Variants in UNC80 observed in about 807,000 individuals in gnomAD.
UNC80 encodes unc-80 subunit of NALCN channel complex.
A neutral mutation model predicts 384.6 loss-of-function variants in UNC80; 164 were observed. That is an observed-to-expected ratio of 0.43 (90% confidence interval 0.38 to 0.49). The LOEUF (loss-of-function observed/expected upper bound fraction) is 0.49, where lower values mean the gene tolerates loss of function less well. UNC80 is among the 20% of genes least tolerant of loss of function. The pLI, the probability that UNC80 is intolerant of heterozygous loss-of-function variation, is 0.00. For missense variants in UNC80, 3,330 were observed against 4,143.0 expected (o/e 0.80, Z 5.39); for synonymous variants, 1,486 against 1,527.8 (o/e 0.97, Z 0.64).
Position 209,872,858 on chromosome 2 carries a change from A to G in UNC80, c.3728A>G (p.His1243Arg). ...GNWPEWMKGH[H>R]VNITKKGLSR... ...TGGCCAGAGTGGATGAAAGGGCACC[A>G]CGTGAACATCACCAAGAAAGGACTT... Residue 1243 changes from histidine to arginine, a missense_variant, in exon 23 of 65, where the codon CAC becomes CGC. Coordinates refer to ENST00000673920, the MANE Select transcript of UNC80 (RefSeq NM_001371986.1). This position sits in a 1 kb window ranked among gnomAD's most constrained non-coding sequence, Gnocchi z 4.1. 6.4e-7 allele frequency: 1 copy of G among 1,551,522 alleles called. No homozygotes were observed.
intron 7 of UNC80, chr2:209,809,065 G>T: frequency 2.2e-6 from 1 of 459,758 alleles, no homozygotes; most frequent in East Asian, 4.9e-5. Context: ...ACTGTCGGAT[G>T]AGGACAGCGG....
At chr2:209,823,951 C>G (rs1403735962) in intron 13 of UNC80, among the ~76,000 whole-genome samples, 1 of 152,110 alleles carries the variant, frequency 6.6e-6, no homozygotes, top group Non-Finnish European at 1.5e-5. Flanking sequence ...AAATTCCATA[C>G]CTGACCTCAT....
intron 4 of UNC80, among the ~76,000 whole-genome samples, chr2:209,781,910 G>A (rs142793886): frequency 5.9e-4 from 90 of 152,264 alleles, no homozygotes; most frequent in African/African-American, 2.1e-3. Flanking sequence ...GATAATGGAT[G>A]TATTCACAAA....
rs939427447 is a variant in UNC80, at chr2:209,992,063, C to A, written c.9315-103C>A. ...AACCATCCTTCAAAGATAATGGTAT[C>A]TTTGAAGTGACTGTATCATACAAGT... On this transcript the variant is annotated intron_variant, in intron 61 of 64. Coordinates refer to ENST00000673920, the MANE Select transcript of UNC80 (RefSeq NM_001371986.1). 4 of 848,774 alleles carry A rather than the reference C, an allele frequency of 4.7e-6. No individual in the cohort carries two copies. In the African/African-American group the frequency reaches 6.9e-5, roughly 15 times the overall value. 52.6% of individuals were successfully genotyped at this position (848,774 alleles called of 1,614,324 possible).
In UNC80 at chr2:209,817,826, C is replaced by T. The variant is rs536981632; in HGVS notation, c.1567C>T (p.Arg523Ter). The T allele has an allele frequency of 3.2e-6, 5 of 1,551,554 alleles. No homozygotes were observed. The highest frequency in any genetic ancestry group is 4.9e-5 in the East Asian group (2 of 40,916). Residue 523 changes from arginine (R) to a stop codon, truncating the protein, a stop_gained, in exon 11 of 65, where the codon CGA becomes TGA. Transcript: ENST00000673920. LOFTEE classifies it high-confidence loss of function. The part of the protein sequence containing the change: ...QTTILGKLTR[R>*]GSSDAATEME... ...ATTCATCCCAGGGAAATTGACCCGG[C>T]GAGGCAGTTCAGATGCAGCCACTGA... is the stretch of plus-strand genomic sequence containing the variant.
chr2:209,992,351 C>G, intron 62 of UNC80, 104 bp downstream of exon 62: 2 of 1,118,258 alleles, frequency 1.8e-6, no homozygotes, highest in Non-Finnish European at 2.6e-6. Flanking sequence ...TGGACGTGCC[C>G]GGAATCCCAG....
Position 209,873,056 on chromosome 2 carries a change from C to T in UNC80, c.3840+86C>T. 3.9e-6 allele frequency: 5 copies of T among 1,271,216 alleles called. No individual in the cohort carries two copies. In the South Asian group the frequency reaches 5.3e-5, roughly 14 times the overall value. 78.7% of individuals were successfully genotyped at this position (1,271,216 alleles called of 1,614,324 possible). On this transcript the variant is annotated intron_variant, in intron 23 of 64. Coordinates refer to ENST00000673920, the MANE Select transcript of UNC80 (RefSeq NM_001371986.1). The stretch of plus-strand genomic sequence containing the variant: ...TGATTGATTGTGTTTGTTTTGAAGA[C>T]AATTTATTGAGTGTTTGTTATGTAC...
Position 209,786,056 on chromosome 2 carries a change from T to C in UNC80, c.601-10T>C, listed in dbSNP as rs768075034. 284 of 1,612,138 alleles carry C rather than the reference T, an allele frequency of 1.8e-4. No individual in the cohort carries two copies. The highest frequency in any genetic ancestry group is 1.5e-5 in the Non-Finnish European group (18 of 1,179,050). ...CAGTTATTGGACATATATCTTCTCCTCCCCCCTAGGAATCTGACCTCACCT... is the reference window on the plus strand; with the variant it reads ...CAGTTATTGGACATATATCTTCTCCCCCCCCCTAGGAATCTGACCTCACCT... On this transcript the variant is annotated splice_polypyrimidine_tract_variant and intron_variant, in intron 4 of 64. Transcript: ENST00000673920.
chr2:209,789,990 A>G (rs1211770757), intron 6 of UNC80, among the ~76,000 whole-genome samples: 2 of 151,992 alleles, frequency 1.3e-5, no homozygotes, highest in African/African-American at 4.8e-5. Flanking sequence ...AAGTAACTCT[A>G]ATGTAGGTAG....
intron 1 of UNC80, 47 bp from the exon 2 acceptor site, chr2:209,773,047 A>T: frequency 6.9e-7 from 1 of 1,450,262 alleles, no homozygotes; most frequent in Non-Finnish European, 9.6e-7. Flanking sequence ...TGCTTTAATA[A>T]TAATTTTACT....
In UNC80 at chr2:209,888,383, G is replaced by A. The variant is rs944954324; in HGVS notation, c.4276+123G>A. Reference sequence around the variant, plus strand: ...GTTGACTTCCTACAATACTGACTGTGTAGGCTTTATGATGGAAAATCATGC... The same window carrying A: ...GTTGACTTCCTACAATACTGACTGTATAGGCTTTATGATGGAAAATCATGC... On this transcript the variant is annotated intron_variant, in intron 26 of 64. Coordinates refer to ENST00000673920, the MANE Select transcript of UNC80 (RefSeq NM_001371986.1). The A allele has an allele frequency of 6.0e-5, 63 of 1,049,188 alleles. No homozygotes were observed. In the Middle Eastern group the frequency reaches 6.6e-4, roughly 11 times the overall value. 65.0% of individuals were successfully genotyped at this position (1,049,188 alleles called of 1,614,324 possible).
rs900439383 is a variant in UNC80, at chr2:209,994,237, G to A, written c.9681G>A (p.Ala3227=). The change falls in exon 64 of 65, where the codon GCG becomes GCA. Residue 3227 remains alanine, a synonymous_variant. Coordinates refer to ENST00000673920, the MANE Select transcript of UNC80 (RefSeq NM_001371986.1). ...VLTSSPAIVV[A]DLHSVSPKQS... ...CATCTTCTCCCGCCATAGTTGTTGC[G>A]GATCTCCACAGCGTGTCTCCCAAGC... 3.9e-6 allele frequency: 6 copies of A among 1,550,730 alleles called. No homozygotes were observed. The highest frequency in any genetic ancestry group is 2.4e-5 in the South Asian group (2 of 83,996).
intron 38 of UNC80, among the ~76,000 whole-genome samples, chr2:209,933,594 C>T (rs1313278389): frequency 6.6e-6 from 1 of 151,866 alleles, no homozygotes; most frequent in African/African-American, 2.4e-5. Flanking sequence ...CTGCTTTTTT[C>T]TTAAGAATTC....
chr2:209,862,649 C>CTTTTTTTTTTTTTTTTTTTTTT (rs71043955), intron 22 of UNC80, among the ~76,000 whole-genome samples: 12 of 78,804 alleles, frequency 1.5e-4, no homozygotes, highest in African/African-American at 3.1e-4. Context: ...GCAACCTCTG[C>CTTTTTTTTTTTTTTTTTTTTTT]TTTTTTTTTT....
chr2:209,916,853 T>C lies in UNC80; in HGVS notation c.5030-924T>C, dbSNP rs907978172. Among the ~76,000 whole-genome samples, 23 of 152,226 alleles carry C rather than the reference T, an allele frequency of 1.5e-4. 1 individual carries two copies. ...AACAATATACTTTAGAAATGCGTTG[T>C]ACTTTTCACTTCACAAAGCACTTTC... On this transcript the variant is annotated intron_variant, in intron 31 of 64. Coordinates refer to ENST00000673920, the MANE Select transcript of UNC80 (RefSeq NM_001371986.1).
At position 209,943,531 on chromosome 2, in the gene UNC80, G is replaced by A. The variant is rs1331562055; in HGVS notation, c.7050+17G>A. On this transcript the variant is annotated intron_variant, in intron 45 of 64. Transcript: ENST00000673920. ...GAATTTCCTGTAAGTAAGCTCTGTG[G>A]GAAAAAAAAATGAAGACCAACAAAA... The A allele has an allele frequency of 1.3e-6, 2 of 1,544,620 alleles. No individual in the cohort carries two copies. The highest frequency in any genetic ancestry group is 2.0e-5 in the Admixed American group (1 of 48,830).
chr2:209,977,568 C>G (rs1005420036), intron 58 of UNC80, among the ~76,000 whole-genome samples: 1 of 152,096 alleles, frequency 6.6e-6, no homozygotes, highest in Non-Finnish European at 1.5e-5. Context: ...AAATAATTTA[C>G]AAGTAAATAA....
In UNC80 at chr2:209,872,611, C is replaced by A; in HGVS notation, c.3628-147C>A. 1.3e-6 allele frequency: 1 copy of A among 754,696 alleles called. No homozygotes were observed. Among genetic ancestry groups the A allele is most frequent in the Non-Finnish European group, 2.1e-6 (1 of 467,480 alleles). The allele number at this position is 754,696 out of a possible 1,614,324, so 46.7% of individuals were successfully genotyped here. A position where few individuals can be genotyped will look rare whatever the true frequency, so the allele number is the denominator to read the frequency against. On this transcript the variant is annotated intron_variant, in intron 22 of 64. Transcript: ENST00000673920. The surrounding 1 kb of genome is among the most constrained non-coding windows in gnomAD (Gnocchi z 4.1). ...ATTTCTCACTACTGTGTTGGCCATA[C>A]TGACACCACCCTGGGAAATATGGCC...
chr2:209,788,014 T>C (rs2077552174), intron 5 of UNC80, among the ~76,000 whole-genome samples: 1 of 152,192 alleles, frequency 6.6e-6, no homozygotes, highest in African/African-American at 2.4e-5. Context: ...ATACAGATGA[T>C]CTTGATGCCG....
Sources: allele counts gnomAD v4.1 joint callset (sites outside exome capture counted in the v4.1 genomes callset), GRCh38; gene constraint gnomAD v4.1.1; non-coding constraint Gnocchi (gnomAD v3.1); transcripts MANE v1.5; gene names NCBI Gene and HGNC (gene_info 2026-07-23, HGNC 2026-07-21).